The following ELAPOR1 variants were observed in gnomAD, a reference collection of about 807,000 sequenced individuals.
ELAPOR1 encodes endosome-lysosome associated apoptosis and autophagy regulator 1.
ELAPOR1 carries 77 observed loss-of-function variants against 119.7 expected under a neutral mutation model. That is an observed-to-expected ratio of 0.64 (90% CI 0.54 to 0.78). The LOEUF (loss-of-function observed/expected upper bound fraction) is 0.78, where lower values mean the gene tolerates loss of function less well. Among genes scored for constraint, ELAPOR1 ranks in the 30% least tolerant of loss-of-function variants. The pLI, the probability that ELAPOR1 is intolerant of heterozygous loss-of-function variation, is 0.00. For missense variants in ELAPOR1, 1,115 were observed against 1,270.4 expected (o/e 0.88, Z 1.86); for synonymous variants, 481 against 487.2 (o/e 0.99, Z 0.17).
intron 8 of ELAPOR1, 111 bp downstream of exon 8, chr1:109,185,244 AC>A: frequency 1.2e-6 from 1 of 821,242 alleles, no homozygotes; most frequent in Non-Finnish European, 2.1e-6. Context: ...ACTAGTTAAA[AC>A]CCCACAGACC....
intron 1 of ELAPOR1, among the ~76,000 whole-genome samples, chr1:109,142,786 A>G (rs959226198): frequency 9.8e-5 from 15 of 152,344 alleles, no homozygotes; most frequent in African/African-American, 3.1e-4. Context: ...TGACCTGGCA[A>G]TTATACTCTA....
chr1:109,132,565 A>G (rs976149577), intron 1 of ELAPOR1, among the ~76,000 whole-genome samples: 1 of 152,216 alleles, frequency 6.6e-6, no homozygotes, highest in Non-Finnish European at 1.5e-5. Flanking sequence ...TGGTGCAATG[A>G]GAGCACATAT....
intron 3 of ELAPOR1, among the ~76,000 whole-genome samples, chr1:109,171,508 C>T (rs183194931): frequency 7.2e-5 from 11 of 151,956 alleles, no homozygotes; most frequent in Non-Finnish European, 1.0e-4. Context: ...GCCGAGGCCA[C>T]GCCACTGCAC....
At chr1:109,189,039 G>A in intron 9 of ELAPOR1, 27 bp from the exon 10 acceptor site, 3 of 1,611,060 alleles carry the variant, frequency 1.9e-6, no homozygotes, top group Non-Finnish European at 2.5e-6. Context: ...CCCACTGAAT[G>A]CATGGATCTT....
chr1:109,128,271 A>T (rs962383367), intron 1 of ELAPOR1, among the ~76,000 whole-genome samples: 1 of 152,220 alleles, frequency 6.6e-6, no homozygotes, highest in African/African-American at 2.4e-5. Flanking sequence ...CTAAGTATGA[A>T]CCTTACTGCT....
At chr1:109,186,906 C>T in intron 8 of ELAPOR1, 1 of 985,552 alleles carries the variant, frequency 1.0e-6, no homozygotes, top group Non-Finnish European at 1.2e-6. Context: ...TGGGTCAGAC[C>T]AAAGCCTGTG....
intron 15 of ELAPOR1, among the ~76,000 whole-genome samples, chr1:109,195,588 A>G (rs1402312876): frequency 3.9e-5 from 6 of 152,250 alleles, no homozygotes; most frequent in Non-Finnish European, 8.8e-5. Context: ...TGCTTGAAAA[A>G]GCAGTCTTCA....
At position 109,166,640 on chromosome 1, in the gene ELAPOR1, A is replaced by C. The variant is rs1004694057; in HGVS notation, c.467+1949A>C. The stretch of plus-strand genomic sequence containing the variant: ...GCAAGGTTATGACCTGCTCTTTGTT[A>C]TCCGGTTTACAGCCGGCGAGATTGA... On this transcript the variant is annotated intron_variant, in intron 3 of 21. Coordinates refer to ENST00000369939, the MANE Select transcript of ELAPOR1 (RefSeq NM_020775.5). Among the ~76,000 whole-genome samples, 15 of 152,314 alleles carry C rather than the reference A, an allele frequency of 9.8e-5. No homozygotes were observed. The East Asian group carries it at 2.9e-3, about 29-fold the overall frequency.
At position 109,144,061 on chromosome 1, in the gene ELAPOR1, ATTT is replaced by A. The variant is rs71069655; in HGVS notation, c.154-17820_154-17818del. Among the ~76,000 whole-genome samples, 28 of 88,990 alleles carry A rather than the reference ATTT, an allele frequency of 3.1e-4. 3 individuals are homozygous for A. The highest frequency in any genetic ancestry group is 1.3e-3 in the African/African-American group (26 of 20,742). The allele number at this position is 88,990 out of a possible 152,430, so 58.4% of individuals were successfully genotyped here. A position where few individuals can be genotyped will look rare whatever the true frequency, so the allele number is the denominator to read the frequency against. On this transcript the variant is annotated intron_variant, in intron 1 of 21. Transcript: ENST00000369939. ...TATATATATATATATATATTTATAT[ATTT>A]TTTTTTTTTTTTGAGATGGAGTTTC...
chr1:109,185,000 TTTC>T, intron 7 of ELAPOR1, 42 bp from the exon 8 acceptor site: 4 of 1,505,272 alleles, frequency 2.7e-6, no homozygotes, highest in Non-Finnish European at 3.7e-6. Context: ...GGAGCTCAGC[TTTC>T]TTATGTAACT....
intron 3 of ELAPOR1, among the ~76,000 whole-genome samples, chr1:109,171,404 T>C (rs1028953815): frequency 2.4e-4 from 37 of 151,708 alleles, no homozygotes; most frequent in African/African-American, 8.5e-4. Context: ...ATACAGAAAT[T>C]AGCTGGGTGT....
At chr1:109,116,865 AT>A (rs1173776419) in intron 1 of ELAPOR1, among the ~76,000 whole-genome samples, 2 of 151,882 alleles carry the variant, frequency 1.3e-5, no homozygotes, top group African/African-American at 2.4e-5. Context: ...TAATTTTTGT[AT>A]TTTTAGTAGA....
At chr1:109,165,081 A>C (rs1415345973) in intron 3 of ELAPOR1, among the ~76,000 whole-genome samples, 3 of 152,130 alleles carry the variant, frequency 2.0e-5, no homozygotes. Context: ...GCCTGAGGCC[A>C]AGAGTTTGAG....
At chr1:109,114,942 A>G (rs1331020586) in intron 1 of ELAPOR1, among the ~76,000 whole-genome samples, 2 of 152,160 alleles carry the variant, frequency 1.3e-5, no homozygotes. Flanking sequence ...TACTATGTTT[A>G]GTGTACCTGA....
chr1:109,175,757 G>C (rs1652234163), intron 7 of ELAPOR1, among the ~76,000 whole-genome samples: 1 of 148,678 alleles, frequency 6.7e-6, no homozygotes, highest in East Asian at 2.0e-4. Flanking sequence ...AACCCGGAAG[G>C]TGGAGGTTGC....
In ELAPOR1 at chr1:109,203,737, G is replaced by C. The variant is rs182879155; in HGVS notation, c.*725G>C. On this transcript the variant is annotated 3_prime_UTR_variant, in exon 22 of 22. Transcript: ENST00000369939. ...TAAAAATACAAAAAATTAGCCGGGC[G>C]TGGTGGCGGGTGCCTGTAGTCCCAG... 6.6e-6 allele frequency: 1 copy of C among 152,072 alleles called. No homozygotes were observed. The highest frequency in any genetic ancestry group is 2.4e-5 in the African/African-American group (1 of 41,400). The allele number at this position is 152,072 out of a possible 1,614,324, so 9.4% of individuals were successfully genotyped here.
intron 1 of ELAPOR1, among the ~76,000 whole-genome samples, chr1:109,155,137 C>A (rs1434462014): frequency 6.6e-6 from 1 of 152,176 alleles, no homozygotes; most frequent in Non-Finnish European, 1.5e-5. Context: ...AACAGGCCCT[C>A]AGTACGTGCT....
At chr1:109,197,841 C>T (rs989315869) in intron 16 of ELAPOR1, 138 bp from the exon 17 acceptor site, 131 of 990,824 alleles carry the variant, frequency 1.3e-4, no homozygotes, top group Non-Finnish European at 1.8e-4. Context: ...CTGACAAACC[C>T]TTGTTTCACC....
At chr1:109,175,319 C>T (rs1019341275) in intron 7 of ELAPOR1, among the ~76,000 whole-genome samples, 5 of 151,850 alleles carry the variant, frequency 3.3e-5, no homozygotes, top group Non-Finnish European at 5.9e-5. Flanking sequence ...TTTCCTGCCT[C>T]GGCCTCCCAA....
Sources: allele counts gnomAD v4.1 joint callset (sites outside exome capture counted in the v4.1 genomes callset), GRCh38; gene constraint gnomAD v4.1.1; transcripts MANE v1.5; gene names NCBI Gene and HGNC (gene_info 2026-07-23, HGNC 2026-07-21).